Variants in LINGO2 observed in about 807,000 individuals in gnomAD.
LINGO2 encodes the protein leucine rich repeat and Ig domain containing 2.
A neutral mutation model predicts 30.6 loss-of-function variants in LINGO2; 14 were observed. The observed-to-expected ratio is 0.46, with a 90% CI of 0.30 to 0.72. The LOEUF (loss-of-function observed/expected upper bound fraction) is 0.72, where lower values mean the gene tolerates loss of function less well. LINGO2 is among the 30% of genes least tolerant of loss of function. LINGO2 has a pLI of 0.07. For missense variants in LINGO2, 729 were observed against 751.7 expected (o/e 0.97, Z 0.35); for synonymous variants, 317 against 288.5 (o/e 1.10, Z -1.00).
At chr9:29,062,210 G>C in the LINGO2 span, among the ~76,000 whole-genome samples, 1 of 152,042 alleles carries the variant, frequency 6.6e-6, no homozygotes, top group Admixed American at 6.6e-5. Flanking sequence ...AGGATGTAGA[G>C]AAATTAGAAG....
intron 1 of LINGO2, among the ~76,000 whole-genome samples, chr9:28,589,499 C>A (rs1230668009): frequency 6.6e-6 from 1 of 152,046 alleles, no homozygotes; most frequent in African/African-American, 2.4e-5. Context: ...CATTCTTATA[C>A]ACCAATAACA....
intron 5 of LINGO2, among the ~76,000 whole-genome samples, chr9:27,992,314 G>A (rs903212648): frequency 5.3e-5 from 8 of 152,242 alleles, no homozygotes; most frequent in South Asian, 4.1e-4. Flanking sequence ...TGAAAACCAT[G>A]TAAAACGTAG....
At chr9:28,120,065 C>A (rs992356366) in intron 4 of LINGO2, among the ~76,000 whole-genome samples, 8 of 152,092 alleles carry the variant, frequency 5.3e-5, no homozygotes, top group African/African-American at 1.9e-4. Flanking sequence ...GGGAACGGCT[C>A]TTTAAAAGGT....
the LINGO2 span, among the ~76,000 whole-genome samples, chr9:28,950,333 A>G: frequency 6.6e-6 from 1 of 152,234 alleles, no homozygotes; most frequent in African/African-American, 2.4e-5. Flanking sequence ...GAAAAGCAGC[A>G]CAAGACAAGG....
Position 28,148,641 on chromosome 9 carries a change from A to C in LINGO2, c.-86-136236T>G, listed in dbSNP as rs907629536. The C allele has an allele frequency of 2.1e-5, 32 of 1,531,136 alleles. No homozygotes were observed. Among genetic ancestry groups the C allele is most frequent in the Non-Finnish European group, 2.8e-5 (32 of 1,143,772 alleles). The allele number at this position is 1,531,136 out of a possible 1,614,324, so 94.8% of individuals were successfully genotyped here. ...GTCCACCTCAAGAGCTTGACAGAAA[A>C]CAACCAGACTGACAAGGCCCAGGTG... On this transcript the variant is annotated intron_variant, in intron 4 of 5. Transcript: ENST00000379992. This position sits in a 1 kb window ranked among gnomAD's most constrained non-coding sequence, Gnocchi z 5.1.
rs556872531 is a variant in LINGO2, at chr9:28,476,627, A to G, written c.-364-602T>C. On this transcript the variant is annotated intron_variant, in intron 1 of 5. Transcript: ENST00000379992. Reference sequence around the variant, plus strand: ...ATAAAGGAAACTCATGTTTAAAGCCATTCATATATTTGAAGATCTGTGTAC... The same window carrying G: ...ATAAAGGAAACTCATGTTTAAAGCCGTTCATATATTTGAAGATCTGTGTAC... Among the ~76,000 whole-genome samples the G allele has an allele frequency of 2.6e-5, 4 of 151,980 alleles. No homozygotes were observed. The South Asian group carries it at 8.3e-4, about 31-fold the overall frequency.
chr9:28,521,744 T>C (rs72713577), intron 1 of LINGO2, among the ~76,000 whole-genome samples: 18,100 of 152,244 alleles, frequency 0.12, 1,306 homozygotes, highest in East Asian at 0.19. Context: ...CATAGCTTCT[T>C]TGCAGATATA....
At chr9:28,361,207 C>G (rs1820425854) in intron 3 of LINGO2, among the ~76,000 whole-genome samples, 1 of 152,122 alleles carries the variant, frequency 6.6e-6, no homozygotes, top group South Asian at 2.1e-4. Flanking sequence ...GCTTATTTTA[C>G]TTAATAAGCG....
the LINGO2 span, among the ~76,000 whole-genome samples, chr9:28,954,682 G>A: frequency 6.6e-6 from 1 of 152,116 alleles, no homozygotes; most frequent in Admixed American, 6.6e-5. Flanking sequence ...CTAGCACACG[G>A]CTCAAAAGGA....
chr9:29,201,811 T>C, the LINGO2 span, among the ~76,000 whole-genome samples: 9 of 152,126 alleles, frequency 5.9e-5, no homozygotes, highest in South Asian at 1.9e-3. Flanking sequence ...CATCGTAAAC[T>C]TCAGGTAAGA....
chr9:28,261,479 T>C (rs1401749715), intron 4 of LINGO2, among the ~76,000 whole-genome samples: 1 of 151,950 alleles, frequency 6.6e-6, no homozygotes, highest in Non-Finnish European at 1.5e-5. Flanking sequence ...GAGACTTTTA[T>C]GCACAAAATC....
Position 28,352,324 on chromosome 9 carries a change from T to A in LINGO2, c.-246+20512A>T, listed in dbSNP as rs1224810732. ...AAAGTCTCAGGATACAAAATCAATG[T>A]ACAAAAATCACAAGCATTCTTATAC... On this transcript the variant is annotated intron_variant, in intron 3 of 5. Coordinates refer to ENST00000379992, the Ensembl canonical transcript of LINGO2. 2.9e-4 allele frequency among the ~76,000 whole-genome samples: 38 copies of A among 132,582 alleles called. No individual in the cohort carries two copies. In the South Asian group the frequency reaches 0.01, roughly 37 times the overall value. 87.0% of individuals were successfully genotyped at this position (132,582 alleles called of 152,430 possible).
chr9:28,400,267 T>A (rs1822208822), intron 2 of LINGO2, among the ~76,000 whole-genome samples: 1 of 152,204 alleles, frequency 6.6e-6, no homozygotes. Flanking sequence ...TTATGATCTG[T>A]GGGAGCTCAA....
chr9:28,283,298 A>C (rs1365865242), intron 4 of LINGO2, among the ~76,000 whole-genome samples: 1 of 152,172 alleles, frequency 6.6e-6, no homozygotes, highest in Middle Eastern at 3.2e-3. Context: ...TTGTTCTTTG[A>C]TGAAAAGGAA....
At chr9:28,217,696 A>G (rs1220069874) in intron 4 of LINGO2, among the ~76,000 whole-genome samples, 1 of 152,006 alleles carries the variant, frequency 6.6e-6, no homozygotes, top group African/African-American at 2.4e-5. Context: ...TGACTCCCAT[A>G]AAAGATATTT....
intron 1 of LINGO2, among the ~76,000 whole-genome samples, chr9:28,521,362 C>T (rs917046937): frequency 3.9e-5 from 6 of 152,136 alleles, no homozygotes; most frequent in African/African-American, 1.4e-4. Flanking sequence ...CAGGAGGCGA[C>T]ACCACTGTAT....
the LINGO2 span, among the ~76,000 whole-genome samples, chr9:28,865,976 T>C: frequency 1.3e-5 from 2 of 152,096 alleles, no homozygotes; most frequent in Admixed American, 6.6e-5. Context: ...ACAAGACAAA[T>C]ATGCTCTCCA....
the LINGO2 span, among the ~76,000 whole-genome samples, chr9:28,994,998 C>T: frequency 6.6e-6 from 1 of 151,992 alleles, no homozygotes; most frequent in African/African-American, 2.4e-5. Context: ...GCAATGGCAA[C>T]AAAAGCCAAA....
intron 4 of LINGO2, among the ~76,000 whole-genome samples, chr9:28,097,525 A>G (rs373133714): frequency 4.9e-5 from 7 of 144,058 alleles, no homozygotes; most frequent in South Asian, 2.3e-4. Flanking sequence ...ATGAGTTCAT[A>G]TCCTTTGTAG....
Sources: gnomAD v4.1 joint callset for allele counts (sites outside exome capture counted in the v4.1 genomes callset) on GRCh38, gnomAD v4.1.1 for gene constraint, Gnocchi (gnomAD v3.1) non-coding constraint, MANE v1.5 for transcripts, NCBI Gene and HGNC (gene_info 2026-07-23, HGNC 2026-07-21) for gene names.